DLG2: variants seen among roughly 807,000 people sequenced by gnomAD.
The protein encoded by DLG2 is disks large homolog 2.
DLG2 carries 45 observed loss-of-function variants against 132.5 expected under a neutral mutation model. That is an observed-to-expected ratio of 0.34 (90% CI 0.27 to 0.44). DLG2 has a LOEUF of 0.44. Ranked by LOEUF, DLG2 falls within the 20% of genes least tolerant of loss-of-function variation. The pLI, the probability that DLG2 is intolerant of heterozygous loss-of-function variation, is 1.00. For synonymous variants in DLG2, 424 were observed against 419.6 expected (o/e 1.01, Z -0.13); for missense variants, 1,045 against 1,196.9 (o/e 0.87, Z 1.87).
At chr11:84,930,985 C>T (rs1246041574) in intron 6 of DLG2, among the ~76,000 whole-genome samples, 1 of 152,014 alleles carries the variant, frequency 6.6e-6, no homozygotes, top group East Asian at 1.9e-4. Flanking sequence ...GTCCCCAGCC[C>T]CTTAAAATTG....
chr11:83,772,496 G>A (rs374739924), intron 18 of DLG2, among the ~76,000 whole-genome samples: 1 of 145,994 alleles, frequency 6.8e-6, no homozygotes, highest in Admixed American at 6.9e-5. Flanking sequence ...AAGGAGAAGG[G>A]GGAGGGGAAG....
At chr11:83,662,404 C>T (rs933352624) in intron 18 of DLG2, among the ~76,000 whole-genome samples, 4 of 152,198 alleles carry the variant, frequency 2.6e-5, no homozygotes, top group Non-Finnish European at 4.4e-5. Flanking sequence ...TCTCTCTAAT[C>T]TCAGAATTAT....
chr11:84,436,367 A>T (rs1483728133), intron 7 of DLG2, among the ~76,000 whole-genome samples: 1 of 152,184 alleles, frequency 6.6e-6, no homozygotes, highest in East Asian at 1.9e-4. Context: ...ACTCTGAAGG[A>T]ATGAATAGCA....
chr11:84,036,056 T>C (rs185775652), intron 11 of DLG2, among the ~76,000 whole-genome samples: 1 of 152,208 alleles, frequency 6.6e-6, no homozygotes, highest in African/African-American at 2.4e-5. Context: ...AAAGATGATA[T>C]TAAATATAAG....
chr11:84,198,776 T>G (rs1174020688), intron 8 of DLG2, among the ~76,000 whole-genome samples: 1 of 152,162 alleles, frequency 6.6e-6, no homozygotes, highest in Non-Finnish European at 1.5e-5. Context: ...TGATTTAGAA[T>G]GTAAAGAAAC....
chr11:85,331,971 G>C (rs1250976551), intron 3 of DLG2, among the ~76,000 whole-genome samples: 1 of 152,048 alleles, frequency 6.6e-6, no homozygotes, highest in Non-Finnish European at 1.5e-5. Context: ...TATTCCTTTG[G>C]GGTATATACC....
intron 6 of DLG2, among the ~76,000 whole-genome samples, chr11:84,694,801 A>T (rs1446035086): frequency 6.6e-6 from 1 of 151,548 alleles, no homozygotes; most frequent in South Asian, 2.1e-4. Context: ...GTTAAGTCCA[A>T]ATATGGGTTT....
At chr11:84,559,776 T>G (rs1264999745) in intron 6 of DLG2, among the ~76,000 whole-genome samples, 2 of 152,176 alleles carry the variant, frequency 1.3e-5, no homozygotes, top group African/African-American at 4.8e-5. Context: ...CATTTTATCT[T>G]CTTGGGTTTA....
At chr11:84,248,426 G>A (rs959166522) in intron 8 of DLG2, among the ~76,000 whole-genome samples, 1 of 151,924 alleles carries the variant, frequency 6.6e-6, no homozygotes, top group African/African-American at 2.4e-5. Flanking sequence ...TAATTTAGGT[G>A]CATAGAGATT....
intron 8 of DLG2, among the ~76,000 whole-genome samples, chr11:84,174,442 C>T (rs10792729): frequency 0.64 from 97,445 of 151,782 alleles, 33,403 homozygotes; most frequent in Middle Eastern, 0.83. Flanking sequence ...AGCTAAATAC[C>T]CTGTTTCTCA....
rs911837589 is a variant in DLG2 at position 83,457,031 on chromosome 11, C to G, written c.*2787G>C. The G allele has an allele frequency of 6.6e-6, 1 of 152,658 alleles. No homozygotes were observed. Among genetic ancestry groups the G allele is most frequent in the Non-Finnish European group, 1.5e-5 (1 of 68,044 alleles). The allele number at this position is 152,658 out of a possible 1,614,324, so 9.5% of individuals were successfully genotyped here. On this transcript the variant is annotated 3_prime_UTR_variant, in exon 28 of 28. Coordinates refer to ENST00000376104, the MANE Select transcript of DLG2 (RefSeq NM_001142699.3). The stretch of plus-strand genomic sequence containing the variant: ...TTGATTTTGGTAAAGCTGAGACCCC[C>G]GTGGTGCTACACATTGTACCAGAGC...
chr11:84,969,838 A>T (rs1429488443), intron 6 of DLG2, among the ~76,000 whole-genome samples: 1 of 152,214 alleles, frequency 6.6e-6, no homozygotes, highest in Non-Finnish European at 1.5e-5. Context: ...CTATGCAGCC[A>T]TAAAAAAGAT....
At chr11:83,966,597 A>G (rs2090244699) in intron 12 of DLG2, among the ~76,000 whole-genome samples, 1 of 152,038 alleles carries the variant, frequency 6.6e-6, no homozygotes, top group Non-Finnish European at 1.5e-5. Flanking sequence ...TACCTAGGTT[A>G]TCCGTATCTG....
At chr11:84,973,012 C>G (rs1440927309) in intron 6 of DLG2, among the ~76,000 whole-genome samples, 3 of 149,980 alleles carry the variant, frequency 2.0e-5, no homozygotes, top group Non-Finnish European at 1.5e-5. Flanking sequence ...GGCTGGAGGG[C>G]AGTGGCGCGA....
At chr11:84,387,176 C>T (rs927850615) in intron 7 of DLG2, among the ~76,000 whole-genome samples, 1 of 151,552 alleles carries the variant, frequency 6.6e-6, no homozygotes, top group Admixed American at 6.6e-5. Context: ...CTTCCAGTAG[C>T]TCCCAGGTGG....
chr11:84,900,795 T>C (rs1442868531), intron 6 of DLG2, among the ~76,000 whole-genome samples: 6 of 152,026 alleles, frequency 3.9e-5, no homozygotes, highest in African/African-American at 1.2e-4. Flanking sequence ...TATTCCTTTT[T>C]CTATTTACCA....
At chr11:84,990,504 A>G (rs1566591045) in intron 6 of DLG2, among the ~76,000 whole-genome samples, 1 of 152,138 alleles carries the variant, frequency 6.6e-6, no homozygotes, top group Non-Finnish European at 1.5e-5. Context: ...AAATCTGCTG[A>G]TACCATGCTC....
intron 8 of DLG2, among the ~76,000 whole-genome samples, chr11:84,192,027 C>G: frequency 7.2e-6 from 1 of 139,362 alleles, no homozygotes; most frequent in East Asian, 1.9e-4. Flanking sequence ...TACAGATTTG[C>G]TAGAACATAA....
chr11:84,755,976 G>A (rs986001428), intron 6 of DLG2, among the ~76,000 whole-genome samples: 9 of 152,096 alleles, frequency 5.9e-5, no homozygotes, highest in South Asian at 2.1e-4. Flanking sequence ...AATGACTGGC[G>A]TACTTCATCA....
Sources: gnomAD v4.1 joint callset for allele counts (sites outside exome capture counted in the v4.1 genomes callset) on GRCh38, gnomAD v4.1.1 for gene constraint, MANE v1.5 for transcripts, NCBI Gene and HGNC (gene_info 2026-07-23, HGNC 2026-07-21) for gene names.